The following TENM4 variants were observed in gnomAD, a reference collection of about 807,000 sequenced individuals.
The protein encoded by TENM4 is teneurin transmembrane protein 4, also known as teneurin-4.
A neutral mutation model predicts 243.3 loss-of-function variants in TENM4; 82 were observed. The observed-to-expected ratio is 0.34, with a 90% CI of 0.28 to 0.40. The LOEUF (loss-of-function observed/expected upper bound fraction) is 0.40, where lower values mean the gene tolerates loss of function less well. TENM4 is among the 10% of genes least tolerant of loss of function. The pLI is 1.00. For synonymous variants in TENM4, 1,412 were observed against 1,456.3 expected (o/e 0.97, Z 0.69); for missense variants, 3,138 against 3,673.3 (o/e 0.85, Z 3.77).
intron 2 of TENM4, among the ~76,000 whole-genome samples, chr11:79,243,393 T>C (rs760342329): frequency 2.0e-5 from 3 of 152,176 alleles, no homozygotes; most frequent in Admixed American, 6.5e-5. Context: ...ACTCTCTTTC[T>C]GAATTTGTGC....
chr11:78,726,190 C>T lies in TENM4; in HGVS notation c.3439G>A (p.Asp1147Asn), dbSNP rs375607076. Reference protein sequence around the residue: ...SVGYEYESCPDLILWEKRTTV... With the variant: ...SVGYEYESCPNLILWEKRTTV... ...GTTCTTTTTTCCCACAGGATTAGATCTGGGCAGGATTCATATTCATAACCC... is the reference window on the plus strand; with the variant it reads ...GTTCTTTTTTCCCACAGGATTAGATTTGGGCAGGATTCATATTCATAACCC... Residue 1147 changes from aspartate (D) to asparagine (N), a missense_variant, in exon 23 of 34, where the codon GAT becomes AAT. Asp to Asn is a conservative substitution (Grantham distance 23). Transcript: ENST00000278550. 16 of 1,613,982 alleles carry T rather than the reference C, an allele frequency of 9.9e-6. No individual in the cohort carries two copies. The African/African-American group carries it at 1.6e-4, about 16-fold the overall frequency.
intron 6 of TENM4, among the ~76,000 whole-genome samples, chr11:79,051,117 T>A (rs1485938074): frequency 6.6e-6 from 1 of 152,200 alleles, no homozygotes. Context: ...AAACAAAATA[T>A]GAAAACACTT....
intron 6 of TENM4, among the ~76,000 whole-genome samples, chr11:79,044,115 T>G (rs1286416311): frequency 6.6e-6 from 1 of 152,152 alleles, no homozygotes; most frequent in Non-Finnish European, 1.5e-5. Context: ...CCCATCAGAT[T>G]AAAGAATGGC....
At chr11:78,778,759 T>C in intron 16 of TENM4, 131 bp from the exon 17 acceptor site, 1 of 728,494 alleles carries the variant, frequency 1.4e-6, no homozygotes, top group Middle Eastern at 2.4e-4. Context: ...TATGCCATGG[T>C]GGGGAAAATA....
intron 6 of TENM4, among the ~76,000 whole-genome samples, chr11:79,028,111 A>G (rs925059079): frequency 7.2e-5 from 11 of 152,166 alleles, no homozygotes; most frequent in Admixed American, 2.6e-4. Flanking sequence ...CAAGTTGCTT[A>G]AGTTTCCTGT....
chr11:79,262,815 G>A (rs1210459071), intron 2 of TENM4, among the ~76,000 whole-genome samples: 1 of 152,162 alleles, frequency 6.6e-6, no homozygotes, highest in Non-Finnish European at 1.5e-5. Flanking sequence ...TGTAAAGTGA[G>A]GATAATGACA....
rs114624544 is a variant in TENM4, at chr11:78,730,508, G to C, written c.3139-865C>G. Among the ~76,000 whole-genome samples the C allele has an allele frequency of 3.9e-3, 598 of 152,324 alleles. 2 individuals are homozygous for C. The highest frequency in any genetic ancestry group is 0.014 in the African/African-American group (565 of 41,584). Reference sequence around the variant, plus strand: ...ACTCTGGGCCCCAGCTCCAGTGCCAGATGGACAGAGTGGGGAAGGCTATGA... The same window carrying C: ...ACTCTGGGCCCCAGCTCCAGTGCCACATGGACAGAGTGGGGAAGGCTATGA... On this transcript the variant is annotated intron_variant, in intron 21 of 33. Coordinates refer to ENST00000278550, the MANE Select transcript of TENM4 (RefSeq NM_001098816.3).
chr11:78,805,277 T>TGGG lies in TENM4; in HGVS notation c.2179+14_2179+15insCCC. On this transcript the variant is annotated intron_variant, in intron 15 of 33. Transcript: ENST00000278550. Reference sequence around the variant, plus strand: ...CCCCTCCCTCTACCCATGCTTCTTCTCCCCCTGCATTTACCGATAGAACAG... The same window carrying TGGG: ...CCCCTCCCTCTACCCATGCTTCTTCTGGGCCCCCTGCATTTACCGATAGAACAG... 7.1e-7 allele frequency: 1 copy of TGGG among 1,402,550 alleles called. No homozygotes were observed. The highest frequency in any genetic ancestry group is 9.7e-7 in the Non-Finnish European group (1 of 1,033,116). The allele number at this position is 1,402,550 out of a possible 1,614,324, so 86.9% of individuals were successfully genotyped here. A position where few individuals can be genotyped will look rare whatever the true frequency, so the allele number is the denominator to read the frequency against.
intron 1 of TENM4, among the ~76,000 whole-genome samples, chr11:79,364,290 T>G (rs1162106115): frequency 6.6e-6 from 1 of 152,292 alleles, no homozygotes; most frequent in African/African-American, 2.4e-5. Flanking sequence ...GCACCTTCCT[T>G]AAATCTCAGC....
At chr11:78,961,909 GTC>G (rs1383339232) in intron 6 of TENM4, among the ~76,000 whole-genome samples, 2 of 151,684 alleles carry the variant, frequency 1.3e-5, no homozygotes, top group Non-Finnish European at 2.9e-5. Context: ...CCTGTCCGAT[GTC>G]TCTCATGGGG....
At position 78,745,652 on chromosome 11, in the gene TENM4, T is replaced by C. The variant is rs187387510; in HGVS notation, c.2757-7082A>G. ...AAATCGGTGAGAATCCAACATTCTATAGAAATAAACCAGTCTTGCTTTCTT... is the reference window on the plus strand; with the variant it reads ...AAATCGGTGAGAATCCAACATTCTACAGAAATAAACCAGTCTTGCTTTCTT... On this transcript the variant is annotated intron_variant, in intron 19 of 33. Transcript: ENST00000278550. Among the ~76,000 whole-genome samples, 306 of 152,346 alleles carry C rather than the reference T, an allele frequency of 2.0e-3. 1 individual carries two copies. The highest frequency in any genetic ancestry group is 0.012 in the Admixed American group (178 of 15,304).
At chr11:79,295,393 G>T (rs546403748) in intron 2 of TENM4, among the ~76,000 whole-genome samples, 10 of 152,292 alleles carry the variant, frequency 6.6e-5, no homozygotes, top group African/African-American at 2.2e-4. Context: ...AAAGGAAAGG[G>T]TTTGCACACA....
chr11:79,229,571 C>A (rs2135257634), intron 2 of TENM4, among the ~76,000 whole-genome samples: 1 of 152,314 alleles, frequency 6.6e-6, no homozygotes, highest in Non-Finnish European at 1.5e-5. Flanking sequence ...TGTAATTGAA[C>A]CCTGTCTTCT....
chr11:79,428,160 T>G (rs1673354372), intron 1 of TENM4, among the ~76,000 whole-genome samples: 1 of 152,140 alleles, frequency 6.6e-6, no homozygotes, highest in South Asian at 2.1e-4. Context: ...AGGCCCATGC[T>G]CCCACCCACT....
rs140504058 is a variant in TENM4 at position 79,269,021 on chromosome 11, T to A, written c.-265+28467A>T. On this transcript the variant is annotated intron_variant, in intron 2 of 33. Coordinates refer to ENST00000278550, the MANE Select transcript of TENM4 (RefSeq NM_001098816.3). The stretch of plus-strand genomic sequence containing the variant: ...ATAGAACACACACGAAACCAGATGA[T>A]GTATTAATGAGCTGACAAAAATGTT... Among the ~76,000 whole-genome samples the A allele has an allele frequency of 5.1e-3, 778 of 152,350 alleles. 7 individuals are homozygous for A. Among genetic ancestry groups the A allele is most frequent in the Middle Eastern group, 0.02 (6 of 294 alleles).
chr11:78,990,287 C>G (rs1858011004), intron 6 of TENM4, among the ~76,000 whole-genome samples: 5 of 152,138 alleles, frequency 3.3e-5, no homozygotes, highest in African/African-American at 1.2e-4. Context: ...GGTGTTCTGA[C>G]TTCGCATCAT....
rs531534182 is a variant in TENM4, at chr11:79,331,231, C to CT, written c.-320-33689dup. On this transcript the variant is annotated intron_variant, in intron 1 of 33. Transcript: ENST00000278550. ...GACCTGTCCCTGACTGATAAGTGGACTTTTTTTTTTTACCCCTTTGCACAG... is the reference window on the plus strand; with the variant it reads ...GACCTGTCCCTGACTGATAAGTGGACTTTTTTTTTTTTACCCCTTTGCACAG... Among the ~76,000 whole-genome samples, 161 of 146,752 alleles carry CT rather than the reference C, an allele frequency of 1.1e-3. 6 individuals are homozygous for CT. The South Asian group carries it at 0.021, about 19-fold the overall frequency.
intron 1 of TENM4, among the ~76,000 whole-genome samples, chr11:79,367,149 T>C (rs1857691846): frequency 6.6e-6 from 1 of 152,232 alleles, no homozygotes; most frequent in Non-Finnish European, 1.5e-5. Flanking sequence ...TTTGGCTCCA[T>C]TTCCTTATCT....
chr11:78,975,660 C>T (rs902001818), intron 6 of TENM4, among the ~76,000 whole-genome samples: 1 of 151,626 alleles, frequency 6.6e-6, no homozygotes, highest in Non-Finnish European at 1.5e-5. Flanking sequence ...TCAATTTATA[C>T]AGTGGCAAAA....
Sources: gnomAD v4.1 joint callset for allele counts (sites outside exome capture counted in the v4.1 genomes callset) on GRCh38, gnomAD v4.1.1 for gene constraint, MANE v1.5 for transcripts, NCBI Gene and HGNC (gene_info 2026-07-23, HGNC 2026-07-21) for gene names.